CDH12: variants seen among roughly 807,000 people sequenced by gnomAD.
CDH12 encodes the protein cadherin 12.
In CDH12, 41 loss-of-function variants were observed where a neutral mutation model predicts 74.1. The ratio of observed to expected loss-of-function variants is 0.55; its 90% CI spans 0.43 to 0.72. The LOEUF is 0.72. CDH12 is among the 30% of genes least tolerant of loss of function. The pLI is 0.00. For synonymous variants in CDH12, 399 were observed against 355.0 expected, an observed-to-expected ratio of 1.12 and a Z score of -1.39; for missense variants, 945 against 977.2, an observed-to-expected ratio of 0.97 and a Z score of 0.44.
intron 3 of CDH12, among the ~76,000 whole-genome samples, chr5:22,344,609 A>T (rs1290288744): frequency 1.3e-5 from 2 of 152,198 alleles, no homozygotes; most frequent in Non-Finnish European, 2.9e-5. Flanking sequence ...GCATCATTAC[A>T]GATGAAATCA....
At chr5:22,819,409 C>T (rs34799170) in intron 1 of CDH12, among the ~76,000 whole-genome samples, 94,575 of 151,768 alleles carry the variant, frequency 0.62, 29,913 homozygotes, top group Admixed American at 0.69. Flanking sequence ...TAAACAAAGG[C>T]ACCCTTCATA....
chr5:22,851,401 A>G (rs1021924890), intron 1 of CDH12, among the ~76,000 whole-genome samples: 4 of 152,174 alleles, frequency 2.6e-5, no homozygotes, highest in African/African-American at 7.2e-5. Flanking sequence ...TAACTGAACA[A>G]CACAGAAAAT....
At chr5:22,772,728 A>G (rs1837929) in intron 1 of CDH12, among the ~76,000 whole-genome samples, 72,622 of 151,816 alleles carry the variant, frequency 0.48, 17,500 homozygotes, top group East Asian at 0.56. Flanking sequence ...ATTTGTATGC[A>G]GGATCCACAG....
intron 1 of CDH12, among the ~76,000 whole-genome samples, chr5:22,535,064 C>A (rs190438454): frequency 0.042 from 6,280 of 149,142 alleles, 440 homozygotes; most frequent in African/African-American, 0.14. Context: ...CTTCGCCTCC[C>A]GGGTTCACAC....
chr5:22,531,789 A>T (rs935385820), intron 1 of CDH12, among the ~76,000 whole-genome samples: 1 of 152,160 alleles, frequency 6.6e-6, no homozygotes, highest in Admixed American at 6.5e-5. Context: ...ACACTGGTGT[A>T]AAAATAGAAA....
At chr5:22,686,747 A>G (rs553833727) in intron 1 of CDH12, among the ~76,000 whole-genome samples, 27 of 152,334 alleles carry the variant, frequency 1.8e-4, no homozygotes, top group Non-Finnish European at 3.7e-4. Flanking sequence ...ATTAAATTCA[A>G]TAATACACAT....
In CDH12 at chr5:22,408,174, G is replaced by A. The variant is rs77821350; in HGVS notation, c.-427-2823C>T. 3.0e-3 allele frequency among the ~76,000 whole-genome samples: 463 copies of A among 152,098 alleles called. 6 individuals carry two copies. The highest frequency in any genetic ancestry group is 0.011 in the African/African-American group (446 of 41,456). On this transcript the variant is annotated intron_variant, in intron 2 of 14. Transcript: ENST00000382254. ...ATTTCAGCAAAACCTATAGCAAAAT[G>A]ATGTGTTTTCCACTTTTATCTCTGT...
intron 6 of CDH12, among the ~76,000 whole-genome samples, chr5:21,870,179 C>T (rs975028502): frequency 2.0e-5 from 3 of 152,148 alleles, no homozygotes; most frequent in Admixed American, 1.3e-4. Flanking sequence ...ACTGTAAGTT[C>T]AATTAAACCT....
chr5:22,771,103 A>T (rs1278071941), intron 1 of CDH12, among the ~76,000 whole-genome samples: 1 of 152,104 alleles, frequency 6.6e-6, no homozygotes, highest in Non-Finnish European at 1.5e-5. Context: ...AGATGAACGA[A>T]TTTTATTTAA....
intron 6 of CDH12, among the ~76,000 whole-genome samples, chr5:21,952,174 C>G (rs1022595121): frequency 6.6e-6 from 1 of 152,134 alleles, no homozygotes; most frequent in Non-Finnish European, 1.5e-5. Context: ...ATTTAAGTGT[C>G]TGTTCTTATT....
chr5:22,198,585 T>C (rs988401914), intron 4 of CDH12, among the ~76,000 whole-genome samples: 6 of 152,096 alleles, frequency 3.9e-5, no homozygotes, highest in Admixed American at 2.6e-4. Context: ...TGTTGTCAGA[T>C]TGAGATGAGT....
At chr5:22,338,478 A>C (rs1219902613) in intron 3 of CDH12, among the ~76,000 whole-genome samples, 2 of 152,174 alleles carry the variant, frequency 1.3e-5, no homozygotes, top group African/African-American at 4.8e-5. Flanking sequence ...GGTACAAAAA[A>C]AAAATAGAAG....
chr5:21,973,144 C>T (rs1756925918), intron 6 of CDH12, among the ~76,000 whole-genome samples: 1 of 151,780 alleles, frequency 6.6e-6, no homozygotes, highest in Non-Finnish European at 1.5e-5. Flanking sequence ...GAATTTAAGG[C>T]TTCAGTGAGC....
At chr5:22,100,747 A>T (rs1346670083) in intron 4 of CDH12, among the ~76,000 whole-genome samples, 5 of 151,748 alleles carry the variant, frequency 3.3e-5, no homozygotes, top group Admixed American at 6.6e-5. Flanking sequence ...TTAAATTATA[A>T]ATTACTGCAT....
rs755263865 is a variant in CDH12, at chr5:21,827,045, A to G, written c.815-9913T>C. On this transcript the variant is annotated intron_variant, in intron 8 of 14. Transcript: ENST00000382254. ...ACACAGTTGAGAAGAAAAAGGCACA[A>G]TTGGTTCTGCTGATCTGGTAGAACC... Among the ~76,000 whole-genome samples, 57 of 152,080 alleles carry G rather than the reference A, an allele frequency of 3.7e-4. 1 individual carries two copies. Among genetic ancestry groups the G allele is most frequent in the South Asian group, 2.1e-4 (1 of 4,806 alleles).
intron 1 of CDH12, among the ~76,000 whole-genome samples, chr5:22,843,541 T>C (rs981274780): frequency 6.6e-5 from 10 of 151,706 alleles, no homozygotes; most frequent in African/African-American, 2.4e-4. Context: ...GCCAAAAGAG[T>C]TTATTACCTT....
chr5:22,745,342 T>C (rs1049382708), intron 1 of CDH12, among the ~76,000 whole-genome samples: 1 of 152,106 alleles, frequency 6.6e-6, no homozygotes, highest in African/African-American at 2.4e-5. Context: ...CAAATCTAAA[T>C]CTTTTACTTA....
chr5:22,133,638 T>C (rs1310615764), intron 4 of CDH12, among the ~76,000 whole-genome samples: 1 of 152,128 alleles, frequency 6.6e-6, no homozygotes, highest in East Asian at 1.9e-4. Flanking sequence ...CTGCAATTTC[T>C]CTATTATGAA....
intron 13 of CDH12, among the ~76,000 whole-genome samples, chr5:21,758,170 C>G (rs1744508124): frequency 6.6e-6 from 1 of 152,088 alleles, no homozygotes; most frequent in Non-Finnish European, 1.5e-5. Flanking sequence ...TTTATGTGTG[C>G]TGCTGTGACA....
Sources: gnomAD v4.1 joint callset for allele counts (sites outside exome capture counted in the v4.1 genomes callset) on GRCh38, gnomAD v4.1.1 for gene constraint, MANE v1.5 for transcripts, NCBI Gene and HGNC (gene_info 2026-07-23, HGNC 2026-07-21) for gene names.